ZNF226: variants seen among roughly 807,000 people sequenced by gnomAD.
ZNF226 encodes Kruppel-associated box protein.
In ZNF226, 6 loss-of-function variants were observed where a neutral mutation model predicts 11.4. The observed-to-expected ratio is 0.53, with a 90% CI of 0.29 to 1.04. The LOEUF is 1.04. ZNF226 is among the 50% of genes least tolerant of loss of function. The pLI is 0.08. For missense variants in ZNF226, 1,058 were observed against 956.5 expected (o/e 1.11, Z -1.40); for synonymous variants, 350 against 322.8 (o/e 1.08, Z -0.90).
downstream of ZNF226, among the ~76,000 whole-genome samples, chr19:44,179,111 C>T (rs1216242884): frequency 2.0e-5 from 3 of 151,982 alleles, no homozygotes; most frequent in South Asian, 2.1e-4. Context: ...ACCTGGGAGG[C>T]GGAAGTTGCA....
At position 44,173,261 on chromosome 19, in the gene ZNF226, C is replaced by G. The variant is rs138092280; in HGVS notation, c.235+309C>G. On this transcript the variant is annotated intron_variant, in intron 5 of 5. Transcript: ENST00000337433. ...GAGTCTTACACGGTGTGCTTTTCAT[C>G]CCCCACTACCTCTCTAAATATATCT... 7.7e-4 allele frequency: 336 copies of G among 438,334 alleles called. 3 individuals are homozygous for G. Among genetic ancestry groups the G allele is most frequent in the African/African-American group, 6.6e-3 (329 of 49,620 alleles). 27.2% of individuals were successfully genotyped at this position (438,334 alleles called of 1,614,324 possible).
In ZNF226 at chr19:44,177,104, A is replaced by G; in HGVS notation, c.1842A>G (p.Pro614=). 1.2e-6 allele frequency: 2 copies of G among 1,613,902 alleles called. No homozygotes were observed. The highest frequency in any genetic ancestry group is 1.6e-4 in the Middle Eastern group (1 of 6,062). Residue 614 remains proline, a synonymous_variant, in exon 6 of 6, where the codon CCA becomes CCG. Transcript: ENST00000337433. ...IHCRIHTGEK[P]YNCEECGKVF... Reference sequence around the variant, plus strand: ...GTAGGATCCACACAGGAGAGAAACCATATAATTGTGAGGAGTGTGGGAAGG... The same window carrying G: ...GTAGGATCCACACAGGAGAGAAACCGTATAATTGTGAGGAGTGTGGGAAGG...
chr19:44,170,218 C>T, intron 3 of ZNF226, 123 bp downstream of exon 3: 1 of 857,746 alleles, frequency 1.2e-6, no homozygotes, highest in Non-Finnish European at 1.7e-6. Flanking sequence ...GTGCTAGGTG[C>T]TTATTTTGTT....
intron 2 of ZNF226, chr19:44,166,658 T>C (rs1317958797): frequency 6.6e-6 from 1 of 152,314 alleles, no homozygotes; most frequent in African/African-American, 2.4e-5. Context: ...AACTATAGTT[T>C]AGTGCCTTTC....
At chr19:44,174,897 A>G in intron 5 of ZNF226, 1 of 1,270,028 alleles carries the variant, frequency 7.9e-7, no homozygotes, top group Non-Finnish European at 1.1e-6. Flanking sequence ...TCTCTTCAGC[A>G]ATAACTCACT....
chr19:44,181,541 A>T (rs181570644), downstream of ZNF226, among the ~76,000 whole-genome samples: 112 of 152,298 alleles, frequency 7.4e-4, 1 homozygote, highest in African/African-American at 2.6e-3. Context: ...TTTGAGAAAG[A>T]GGGATGCAAA....
At chr19:44,182,393 T>C (rs1273473480), downstream of ZNF226, among the ~76,000 whole-genome samples, 1 of 152,210 alleles carries the variant, frequency 6.6e-6, no homozygotes, top group African/African-American at 2.4e-5. Context: ...ACCTCAGTTA[T>C]AACAAGCAAA....
the ZNF226 span, among the ~76,000 whole-genome samples, chr19:44,198,055 A>G: frequency 6.6e-6 from 1 of 152,214 alleles, no homozygotes; most frequent in East Asian, 1.9e-4. Flanking sequence ...TGTGAAGAAT[A>G]TACAATATCC....
intron 2 of ZNF226, among the ~76,000 whole-genome samples, chr19:44,168,157 T>G (rs957522849): frequency 9.2e-5 from 14 of 152,202 alleles, no homozygotes; most frequent in African/African-American, 3.4e-4. Context: ...TTCACCATGA[T>G]CACTGAGTAG....
At chr19:44,177,722 T>A (rs10409643), downstream of ZNF226, 18 of 1,516,702 alleles carry the variant, frequency 1.2e-5, no homozygotes, top group Admixed American at 1.3e-4. Context: ...TTATCAAGTC[T>A]CAAAGTCAGT....
chr19:44,195,314 T>C, the ZNF226 span, among the ~76,000 whole-genome samples: 13 of 152,148 alleles, frequency 8.5e-5, no homozygotes, highest in Non-Finnish European at 1.9e-4. Context: ...AGGAAGGCCA[T>C]AGAAGCAGAG....
At chr19:44,171,922 C>T (rs952736598) in intron 3 of ZNF226, among the ~76,000 whole-genome samples, 166 bp from the exon 4 acceptor site, 1 of 152,214 alleles carries the variant, frequency 6.6e-6, no homozygotes, top group Non-Finnish European at 1.5e-5. Context: ...TTCTTTTTCA[C>T]AGCAGCACTT....
intron 2 of ZNF226, chr19:44,166,870 A>G (rs536835841): frequency 8.5e-5 from 13 of 152,322 alleles, no homozygotes; most frequent in African/African-American, 2.4e-4. Flanking sequence ...CTGCATTTCA[A>G]CAAGATCCCA....
the ZNF226 span, among the ~76,000 whole-genome samples, chr19:44,192,822 A>G: frequency 6.6e-6 from 1 of 152,218 alleles, no homozygotes; most frequent in Admixed American, 6.5e-5. Context: ...TTTTTTAACT[A>G]AAATCACATA....
At chr19:44,165,503 G>A (rs1246274494) in intron 1 of ZNF226, 2 of 152,136 alleles carry the variant, frequency 1.3e-5, no homozygotes, top group Admixed American at 1.3e-4. Context: ...CTTCCTAATA[G>A]AATGTTTTGA....
intron 5 of ZNF226, chr19:44,175,105 T>C (rs1471755618): frequency 1.2e-5 from 19 of 1,593,890 alleles, no homozygotes; most frequent in Admixed American, 8.7e-5. Flanking sequence ...GACTCATATA[T>C]GCATACATTC....
chr19:44,188,518 G>T, the ZNF226 span, among the ~76,000 whole-genome samples: 1 of 152,166 alleles, frequency 6.6e-6, no homozygotes, highest in Non-Finnish European at 1.5e-5. Context: ...AAATAGCCCA[G>T]AGATGATTTA....
At chr19:44,182,087 C>A (rs1169126521), downstream of ZNF226, among the ~76,000 whole-genome samples, 8 of 152,154 alleles carry the variant, frequency 5.3e-5, no homozygotes, top group Non-Finnish European at 5.9e-5. Context: ...TGATTCCAGA[C>A]CCACTGTTAG....
chr19:44,192,246 T>C, the ZNF226 span, among the ~76,000 whole-genome samples: 9 of 152,258 alleles, frequency 5.9e-5, no homozygotes, highest in African/African-American at 2.2e-4. Context: ...ACATTTTTAG[T>C]GTTAGGCCAC....
Sources: gnomAD v4.1 joint callset for allele counts (sites outside exome capture counted in the v4.1 genomes callset) on GRCh38, gnomAD v4.1.1 for gene constraint, MANE v1.5 for transcripts, NCBI Gene and HGNC (gene_info 2026-07-23, HGNC 2026-07-21) for gene names.